Variants in TMEM117 observed in about 807,000 individuals in gnomAD.
The protein encoded by TMEM117 is transmembrane protein 117.
Under a neutral mutation model 52.4 loss-of-function variants are expected in TMEM117, and 27 were observed. The ratio of observed to expected loss-of-function variants is 0.51; its 90% CI spans 0.38 to 0.71. TMEM117 has a LOEUF of 0.71. TMEM117 is among the 30% of genes least tolerant of loss of function. TMEM117 has a pLI of 0.00. For missense variants in TMEM117, 556 were observed against 630.5 expected (o/e 0.88, Z 1.26); for synonymous variants, 215 against 206.3 (o/e 1.04, Z -0.36).
chr12:44,332,740 C>CACACACACAG (rs778284507), intron 6 of TMEM117, among the ~76,000 whole-genome samples: 1 of 150,438 alleles, frequency 6.6e-6, no homozygotes, highest in African/African-American at 2.5e-5. Context: ...CACACACACA[C>CACACACACAG]ACACACACAG....
chr12:43,863,850 G>T (rs537669661), intron 2 of TMEM117, among the ~76,000 whole-genome samples: 1 of 152,340 alleles, frequency 6.6e-6, no homozygotes, highest in Non-Finnish European at 1.5e-5. Context: ...CCTTCTCTGG[G>T]CTGGCCGAGG....
chr12:44,355,603 A>G (rs1319209521), intron 6 of TMEM117, among the ~76,000 whole-genome samples: 2 of 152,078 alleles, frequency 1.3e-5, no homozygotes, highest in Admixed American at 6.6e-5. Context: ...ATGCTTTGAG[A>G]GTAGAAGGAA....
intron 3 of TMEM117, among the ~76,000 whole-genome samples, chr12:44,013,819 C>G (rs1946332448): frequency 6.6e-6 from 1 of 152,166 alleles, no homozygotes; most frequent in South Asian, 2.1e-4. Context: ...GCCTGTCTGT[C>G]TCTCCAATTT....
At chr12:43,808,938 G>T in the TMEM117 span, among the ~76,000 whole-genome samples, 1 of 151,966 alleles carries the variant, frequency 6.6e-6, no homozygotes, top group Non-Finnish European at 1.5e-5. Context: ...CGGAAACTGG[G>T]ATTTTATGTA....
At chr12:44,298,138 A>G (rs1950792004) in intron 5 of TMEM117, among the ~76,000 whole-genome samples, 1 of 148,828 alleles carries the variant, frequency 6.7e-6, no homozygotes, top group East Asian at 1.9e-4. Flanking sequence ...ATTAAAGTAT[A>G]ACTTGCCTCA....
At chr12:44,102,907 AAGG>A (rs1443687948) in intron 3 of TMEM117, among the ~76,000 whole-genome samples, 1 of 151,924 alleles carries the variant, frequency 6.6e-6, no homozygotes, top group Non-Finnish European at 1.5e-5. Flanking sequence ...ATGGTTTTAT[AAGG>A]AGATTTTCCC....
chr12:44,114,867 CTA>C (rs1948110189), intron 3 of TMEM117, among the ~76,000 whole-genome samples: 1 of 152,154 alleles, frequency 6.6e-6, no homozygotes, highest in Non-Finnish European at 1.5e-5. Context: ...TATGTGGACT[CTA>C]TTCTAGACAT....
At chr12:44,335,934 A>G (rs925883481) in intron 6 of TMEM117, among the ~76,000 whole-genome samples, 20 of 152,054 alleles carry the variant, frequency 1.3e-4, no homozygotes, top group Non-Finnish European at 2.6e-4. Context: ...TATAAGAAAT[A>G]AGACCAGAAA....
At chr12:43,916,668 T>C (rs1944608634) in intron 2 of TMEM117, among the ~76,000 whole-genome samples, 1 of 152,094 alleles carries the variant, frequency 6.6e-6, no homozygotes, top group Non-Finnish European at 1.5e-5. Context: ...CAATGAAGAG[T>C]TGTTACATTA....
At chr12:44,277,386 A>G (rs1387373829) in intron 5 of TMEM117, among the ~76,000 whole-genome samples, 5 of 152,186 alleles carry the variant, frequency 3.3e-5, no homozygotes, top group African/African-American at 9.7e-5. Flanking sequence ...CTATTACTGC[A>G]TAACAAATTA....
chr12:43,877,634 CA>C (rs372068617), intron 2 of TMEM117, among the ~76,000 whole-genome samples: 24,211 of 99,812 alleles, frequency 0.24, 3,692 homozygotes, highest in African/African-American at 0.5. Flanking sequence ...GACTCGGTCT[CA>C]AAAAAAAAAA....
intron 5 of TMEM117, among the ~76,000 whole-genome samples, chr12:44,294,347 A>G (rs1008331969): frequency 2.6e-5 from 4 of 152,322 alleles, no homozygotes; most frequent in African/African-American, 4.8e-5. Context: ...ACTGAATCCA[A>G]TTGCCATCAG....
At chr12:44,212,324 A>T (rs1438680712) in intron 5 of TMEM117, among the ~76,000 whole-genome samples, 2 of 152,158 alleles carry the variant, frequency 1.3e-5, no homozygotes, top group Non-Finnish European at 2.9e-5. Context: ...CTTAGTAGCT[A>T]TCTCACTTAT....
intron 3 of TMEM117, among the ~76,000 whole-genome samples, chr12:43,965,026 C>A (rs890879859): frequency 3.3e-5 from 5 of 152,154 alleles, no homozygotes; most frequent in Non-Finnish European, 7.4e-5. Flanking sequence ...GGAATTTGAT[C>A]ATTTAAAATA....
intron 5 of TMEM117, among the ~76,000 whole-genome samples, chr12:44,264,504 ACAGATCCCT>A (rs1803223284): frequency 6.6e-6 from 1 of 152,156 alleles, no homozygotes; most frequent in Non-Finnish European, 1.5e-5. Flanking sequence ...AAGGCTACTC[ACAGATCCCT>A]CAGATAAGAA....
intron 3 of TMEM117, among the ~76,000 whole-genome samples, chr12:43,993,600 G>GA (rs1024330809): frequency 5.9e-5 from 9 of 151,814 alleles, no homozygotes; most frequent in African/African-American, 2.2e-4. Context: ...GGAGGGAGGT[G>GA]AAAAAAACAT....
At chr12:44,058,630 A>G (rs1047833625) in intron 3 of TMEM117, among the ~76,000 whole-genome samples, 2 of 152,344 alleles carry the variant, frequency 1.3e-5, no homozygotes, top group East Asian at 3.8e-4. Context: ...CATTCTTAAA[A>G]GGGTTTCTTC....
chr12:44,146,833 G>T (rs1342627272), intron 4 of TMEM117, among the ~76,000 whole-genome samples: 1 of 152,152 alleles, frequency 6.6e-6, no homozygotes, highest in Non-Finnish European at 1.5e-5. Flanking sequence ...CAATCAAAGT[G>T]TGTCTTTTAT....
At chr12:43,907,198 G>A (rs1294133718) in intron 2 of TMEM117, among the ~76,000 whole-genome samples, 1 of 152,164 alleles carries the variant, frequency 6.6e-6, no homozygotes, top group Admixed American at 6.5e-5. Context: ...CCTGACCCCT[G>A]AGCAGCCTAA....
Sources: gnomAD v4.1 joint callset for allele counts (sites outside exome capture counted in the v4.1 genomes callset) on GRCh38, gnomAD v4.1.1 for gene constraint, MANE v1.5 for transcripts, NCBI Gene and HGNC (gene_info 2026-07-23, HGNC 2026-07-21) for gene names.